MRPS22: variants seen among roughly 807,000 people sequenced by gnomAD.
MRPS22 encodes mitochondrial ribosomal protein S22, also known as small ribosomal subunit protein mS22.
A neutral mutation model predicts 44.0 loss-of-function variants in MRPS22; 30 were observed. The ratio of observed to expected loss-of-function variants is 0.68; its 90% CI spans 0.51 to 0.93. The LOEUF (loss-of-function observed/expected upper bound fraction) is 0.93, where lower values mean the gene tolerates loss of function less well. Among genes scored for constraint, MRPS22 ranks in the 40% least tolerant of loss-of-function variants. The pLI is 0.00. For synonymous variants in MRPS22, 165 were observed against 154.4 expected (o/e 1.07, Z -0.51); for missense variants, 447 against 447.8 (o/e 1.00, Z 0.02).
Position 139,350,294 on chromosome 3 carries a change from C to G in MRPS22, c.620C>G (p.Pro207Arg), listed in dbSNP as rs1394920045. 1.9e-6 allele frequency: 3 copies of G among 1,613,986 alleles called. No homozygotes were observed. Among genetic ancestry groups the G allele is most frequent in the African/African-American group, 2.7e-5 (2 of 74,980 alleles). Residue 207 changes from proline (P) to arginine (R), a missense_variant, in exon 4 of 8, where the codon CCA becomes CGA. Pro to Arg is a moderately radical substitution (Grantham distance 103). Transcript: ENST00000680020. ...AAAGAAGGTCGTAAAATTTTGACAC[C>G]AATAATTTTCAAGGAAGAAAATCTT... ...FPKEGRKILT[P>R]IIFKEENLRT...
intron 6 of MRPS22, among the ~76,000 whole-genome samples, chr3:139,353,937 C>T (rs959165841): frequency 4.6e-5 from 7 of 152,102 alleles, no homozygotes; most frequent in East Asian, 1.9e-4. Context: ...ATTAGAGCAA[C>T]GCAGAAATGT....
intron 1 of MRPS22, among the ~76,000 whole-genome samples, chr3:139,345,883 T>C (rs1366237109): frequency 6.6e-6 from 1 of 152,146 alleles, no homozygotes; most frequent in African/African-American, 2.4e-5. Flanking sequence ...CATATAAAGG[T>C]AATTGAAGTC....
intron 4 of MRPS22, 38 bp from the exon 5 acceptor site, chr3:139,350,939 T>G (rs370950051): frequency 4.5e-6 from 7 of 1,543,596 alleles, no homozygotes; most frequent in African/African-American, 2.7e-5. Flanking sequence ...TGAACTTCAG[T>G]GTTCTCATGT....
intron 6 of MRPS22, among the ~76,000 whole-genome samples, chr3:139,353,262 C>G (rs1941184980): frequency 6.6e-6 from 1 of 152,174 alleles, no homozygotes; most frequent in South Asian, 2.1e-4. Context: ...AAGTTAGCTT[C>G]TTTTCAGAGT....
intron 4 of MRPS22, 145 bp downstream of exon 4, chr3:139,350,467 GC>G: frequency 1.1e-6 from 1 of 920,922 alleles, no homozygotes; most frequent in Non-Finnish European, 1.6e-6. Context: ...CGCTCCTTTT[GC>G]CCAGGCTGAA....
chr3:139,349,250 G>C (rs1217930908), intron 3 of MRPS22: 7 of 433,784 alleles, frequency 1.6e-5, no homozygotes, highest in African/African-American at 6.3e-5. Flanking sequence ...TTGGAATTCA[G>C]GTTTCTCAAA....
intron 6 of MRPS22, among the ~76,000 whole-genome samples, chr3:139,354,100 C>G (rs1018230780): frequency 6.6e-6 from 1 of 152,150 alleles, no homozygotes; most frequent in Non-Finnish European, 1.5e-5. Flanking sequence ...TAAAGGCCCT[C>G]CTGTGGTCAT....
intron 3 of MRPS22, among the ~76,000 whole-genome samples, chr3:139,349,629 A>G (rs996809049): frequency 2.0e-5 from 3 of 152,204 alleles, no homozygotes; most frequent in African/African-American, 7.2e-5. Context: ...AAGTGATCCC[A>G]TGGCCTGGGA....
chr3:139,346,056 G>A (rs917644005), intron 1 of MRPS22, among the ~76,000 whole-genome samples: 1 of 152,116 alleles, frequency 6.6e-6, no homozygotes, highest in African/African-American at 2.4e-5. Context: ...TAGAAGTTAG[G>A]CAAAGCAATA....
At chr3:139,353,068 C>T (rs1182735269) in intron 6 of MRPS22, among the ~76,000 whole-genome samples, 1 of 152,128 alleles carries the variant, frequency 6.6e-6, no homozygotes, top group Non-Finnish European at 1.5e-5. Context: ...ACCAATGCTC[C>T]TGGGTTGCTG....
intron 1 of MRPS22, among the ~76,000 whole-genome samples, chr3:139,346,320 C>T (rs967497842): frequency 1.9e-4 from 29 of 152,300 alleles, no homozygotes; most frequent in African/African-American, 5.8e-4. Context: ...ACCCAAGCCC[C>T]GTACCTCTCC....
At chr3:139,356,849 C>T (rs1941285493) in intron 7 of MRPS22, 70 bp from the exon 8 acceptor site, 1 of 1,178,180 alleles carries the variant, frequency 8.5e-7, no homozygotes, top group African/African-American at 1.5e-5. Context: ...CTAATGATGT[C>T]TTAAAACTGA....
intron 6 of MRPS22, among the ~76,000 whole-genome samples, chr3:139,354,042 T>G (rs1046037447): frequency 3.3e-5 from 5 of 152,240 alleles, no homozygotes; most frequent in Admixed American, 6.5e-5. Flanking sequence ...TCATGCTTAC[T>G]GGGAGGGAAG....
chr3:139,346,128 GAT>G (rs1439796588), intron 1 of MRPS22, among the ~76,000 whole-genome samples: 2 of 152,204 alleles, frequency 1.3e-5, no homozygotes, highest in Admixed American at 1.3e-4. Context: ...GCTCTTCCAT[GAT>G]AACACACGGC....
At chr3:139,350,425 C>A in intron 4 of MRPS22, 103 bp downstream of exon 4, 3 of 1,330,702 alleles carry the variant, frequency 2.3e-6, no homozygotes, top group East Asian at 2.4e-5. Context: ...CTAATGATAA[C>A]TTGACTTTTT....
intron 6 of MRPS22, among the ~76,000 whole-genome samples, 172 bp downstream of exon 6, chr3:139,352,964 T>C (rs972216521): frequency 1.3e-5 from 2 of 152,200 alleles, no homozygotes; most frequent in African/African-American, 4.8e-5. Flanking sequence ...TTTGCTTTTA[T>C]ATAAAGTGTA....
At chr3:139,346,124 C>G (rs1399280365) in intron 1 of MRPS22, among the ~76,000 whole-genome samples, 1 of 152,186 alleles carries the variant, frequency 6.6e-6, no homozygotes, top group Non-Finnish European at 1.5e-5. Context: ...AAAGGCTCTT[C>G]CATGATAACA....
At chr3:139,351,676 T>C (rs950449596) in intron 5 of MRPS22, 10 of 158,174 alleles carry the variant, frequency 6.3e-5, no homozygotes, top group Admixed American at 1.8e-4. Flanking sequence ...GGAAATGTTG[T>C]GGCAGGTGGA....
chr3:139,346,923 AG>A lies in MRPS22; in HGVS notation c.220del (p.Glu74LysfsTer9). 6.2e-7 allele frequency: 1 copy of A among 1,614,210 alleles called. No homozygotes were observed. The highest frequency in any genetic ancestry group is 8.5e-7 in the Non-Finnish European group (1 of 1,180,016). ...PETKKPTFMDEEVQSILTKMT... is the reference protein window; with the variant it reads ...PETKKPTFMDXEVQSILTKMT... ...ACCAAGAAACCTACATTTATGGATG[AG>A]GAAGTTCAAAGCATACTCACGAAAA... On this transcript the variant is annotated frameshift_variant, in exon 2 of 8. Coordinates refer to ENST00000680020, the MANE Select transcript of MRPS22 (RefSeq NM_020191.4). LOFTEE classifies it high-confidence loss of function.
Sources: gnomAD v4.1 joint callset for allele counts (sites outside exome capture counted in the v4.1 genomes callset) on GRCh38, gnomAD v4.1.1 for gene constraint, MANE v1.5 for transcripts, NCBI Gene and HGNC (gene_info 2026-07-23, HGNC 2026-07-21) for gene names.